The following PTPN4 variants were observed in gnomAD, a reference collection of about 807,000 sequenced individuals.
PTPN4 encodes the protein tyrosine-protein phosphatase non-receptor type 4.
In PTPN4, 49 loss-of-function variants were observed where a neutral mutation model predicts 135.5. The ratio of observed to expected loss-of-function variants is 0.36; its 90% CI spans 0.29 to 0.46. The LOEUF (loss-of-function observed/expected upper bound fraction) is 0.46, where lower values mean the gene tolerates loss of function less well. Among genes scored for constraint, PTPN4 ranks in the 20% least tolerant of loss-of-function variants. PTPN4 has a pLI of 1.00. For missense variants in PTPN4, 860 were observed against 1,101.0 expected (o/e 0.78, Z 3.10); for synonymous variants, 333 against 369.9 (o/e 0.90, Z 1.14).
chr2:119,769,908 T>A (rs755239375), intron 1 of PTPN4, among the ~76,000 whole-genome samples: 1 of 152,250 alleles, frequency 6.6e-6, no homozygotes, highest in Non-Finnish European at 1.5e-5. Context: ...GTTTATTTTG[T>A]TTTTAGTTAA....
At chr2:119,861,907 C>T (rs1677765170) in intron 2 of PTPN4, among the ~76,000 whole-genome samples, 1 of 152,084 alleles carries the variant, frequency 6.6e-6, no homozygotes, top group African/African-American at 2.4e-5. Flanking sequence ...TCTCTGAGTA[C>T]TTTGGCAATG....
At position 119,973,669 on chromosome 2, in the gene PTPN4, T is replaced by G. The variant is rs1039322180; in HGVS notation, c.2695-3315T>G. Among the ~76,000 whole-genome samples the G allele has an allele frequency of 8.3e-4, 116 of 139,062 alleles. 3 individuals are homozygous for G. The highest frequency in any genetic ancestry group is 2.4e-3 in the African/African-American group (85 of 35,592). The allele number at this position is 139,062 out of a possible 152,430, so 91.2% of individuals were successfully genotyped here. A position where few individuals can be genotyped will look rare whatever the true frequency, so the allele number is the denominator to read the frequency against. The stretch of plus-strand genomic sequence containing the variant: ...CTTCATTTCTTGTTTTTTTTTTTTT[T>G]TTTTTTTTTTTTTGGTAATTTACTT... On this transcript the variant is annotated intron_variant, in intron 26 of 26. Coordinates refer to ENST00000263708, the MANE Select transcript of PTPN4 (RefSeq NM_002830.4).
chr2:119,962,180 C>T (rs1679375398), intron 23 of PTPN4, among the ~76,000 whole-genome samples: 2 of 152,052 alleles, frequency 1.3e-5, no homozygotes, highest in Admixed American at 6.6e-5. Flanking sequence ...GTCGGCTGGG[C>T]GCAGTGGCTC....
chr2:119,760,733 CTTTTTTTTTTTTTT>C lies in PTPN4; in HGVS notation c.-18+358_-18+371del, dbSNP rs59953430. On this transcript the variant is annotated intron_variant, in intron 1 of 26. Coordinates refer to ENST00000263708, the MANE Select transcript of PTPN4 (RefSeq NM_002830.4). ...GAGTTTTCCATTGCTGGTAGAATTC[CTTTTTTTTTTTTTT>C]TTTTTTTTGGCTCATATGAGCGCTT... Among the ~76,000 whole-genome samples the C allele has an allele frequency of 5.0e-5, 4 of 79,908 alleles. No individual in the cohort carries two copies. In the Admixed American group the frequency reaches 6.7e-4, roughly 13 times the overall value. 52.4% of individuals were successfully genotyped at this position (79,908 alleles called of 152,430 possible). A position where few individuals can be genotyped will look rare whatever the true frequency, so the allele number is the denominator to read the frequency against.
chr2:119,865,096 A>G (rs1377105731), intron 3 of PTPN4, among the ~76,000 whole-genome samples: 3 of 152,118 alleles, frequency 2.0e-5, no homozygotes, highest in African/African-American at 7.2e-5. Flanking sequence ...CATTATTTAA[A>G]TATTTGGAAG....
chr2:119,844,015 C>G (rs866104693), intron 2 of PTPN4, among the ~76,000 whole-genome samples: 16 of 2,734 alleles, frequency 5.9e-3, no homozygotes, highest in Admixed American at 0.016. Context: ...GCGGCTGGCC[C>G]GGCAGAGGGG....
intron 3 of PTPN4, among the ~76,000 whole-genome samples, chr2:119,877,041 AT>A (rs1387808545): frequency 6.6e-6 from 1 of 152,122 alleles, no homozygotes; most frequent in Non-Finnish European, 1.5e-5. Flanking sequence ...TGCTGCAATT[AT>A]TAACTATCTT....
intron 2 of PTPN4, among the ~76,000 whole-genome samples, chr2:119,830,455 G>T (rs572254347): frequency 1.3e-5 from 2 of 152,082 alleles, no homozygotes; most frequent in South Asian, 4.2e-4. Flanking sequence ...ATGATACCTG[G>T]TGTAACACCT....
Position 119,804,814 on chromosome 2 carries a change from C to G in PTPN4, c.-17-5023C>G, listed in dbSNP as rs561613042. On this transcript the variant is annotated intron_variant, in intron 1 of 26. Coordinates refer to ENST00000263708, the MANE Select transcript of PTPN4 (RefSeq NM_002830.4). ...ATACCCAGTAATGGGATCTTTGGGTCAAATGGTATTTCTAGTTCTAGATCC... is the reference window on the plus strand; with the variant it reads ...ATACCCAGTAATGGGATCTTTGGGTGAAATGGTATTTCTAGTTCTAGATCC... Among the ~76,000 whole-genome samples, 11 of 152,308 alleles carry G rather than the reference C, an allele frequency of 7.2e-5. No homozygotes were observed. The East Asian group carries it at 1.5e-3, about 21-fold the overall frequency.
At chr2:119,829,740 T>C (rs1434651384) in intron 2 of PTPN4, among the ~76,000 whole-genome samples, 1 of 152,224 alleles carries the variant, frequency 6.6e-6, no homozygotes, top group Non-Finnish European at 1.5e-5. Context: ...ACTTGGGTTG[T>C]TTCTACCTTT....
At chr2:119,952,299 C>T (rs1249761486) in intron 19 of PTPN4, among the ~76,000 whole-genome samples, 170 bp downstream of exon 19, 2 of 152,242 alleles carry the variant, frequency 1.3e-5, no homozygotes, top group East Asian at 3.9e-4. Context: ...GCCCCCCCAC[C>T]CCTTGCTCCC....
At chr2:119,827,519 T>G (rs1284717595) in intron 2 of PTPN4, among the ~76,000 whole-genome samples, 1 of 152,194 alleles carries the variant, frequency 6.6e-6, no homozygotes, top group Non-Finnish European at 1.5e-5. Flanking sequence ...ATTTTGGCAG[T>G]GCAAGTGGGC....
Position 119,809,878 on chromosome 2 carries a change from G to C in PTPN4, c.25G>C (p.Ala9Pro). The C allele has an allele frequency of 6.2e-7, 1 of 1,610,888 alleles. No homozygotes were observed. Among genetic ancestry groups the C allele is most frequent in the Non-Finnish European group, 8.5e-7 (1 of 1,179,162 alleles). ...AATGACCTCACGTTTCCGATTGCCT[G>C]CTGGCAGAACCTACAATGTACGAGC... is the stretch of plus-strand genomic sequence containing the variant. MTSRFRLP[A>P]GRTYNVRASE... Residue 9 changes from alanine (A) to proline (P), a missense_variant, in exon 2 of 27, where the codon GCT (alanine) becomes CCT (proline). By Grantham distance (27) the Ala-to-Pro change is conservative. Around this residue, in one of 2 missense-constraint regions of PTPN4, gnomAD observed 684 missense variants for 807.0 expected, o/e 0.85. Coordinates refer to ENST00000263708, the MANE Select transcript of PTPN4 (RefSeq NM_002830.4).
rs577888348 is a variant in PTPN4, at chr2:119,905,420, G to A, written c.764+4614G>A. 6.6e-5 allele frequency among the ~76,000 whole-genome samples: 10 copies of A among 152,250 alleles called. No individual in the cohort carries two copies. In the South Asian group the frequency reaches 8.3e-4, roughly 13 times the overall value. On this transcript the variant is annotated intron_variant, in intron 10 of 26. Transcript: ENST00000263708. ...CAAATGATAAAGGGATCAATTCAGCGAAAGGATATAACAATTGTAAATATG... is the reference window on the plus strand; with the variant it reads ...CAAATGATAAAGGGATCAATTCAGCAAAAGGATATAACAATTGTAAATATG...
chr2:119,848,020 T>C (rs1442369583), intron 2 of PTPN4, among the ~76,000 whole-genome samples: 1 of 152,166 alleles, frequency 6.6e-6, no homozygotes, highest in Admixed American at 6.5e-5. Context: ...TCTTTGTTTT[T>C]TGGGGGCATT....
At chr2:119,973,144 C>A (rs1266600926) in intron 26 of PTPN4, among the ~76,000 whole-genome samples, 2 of 151,844 alleles carry the variant, frequency 1.3e-5, no homozygotes, top group African/African-American at 4.8e-5. Flanking sequence ...AACTCTATAT[C>A]CATTAAAAAA....
At position 119,780,464 on chromosome 2, in the gene PTPN4, C is replaced by T. The variant is rs183097649; in HGVS notation, c.-18+20080C>T. On this transcript the variant is annotated intron_variant, in intron 1 of 26. Transcript: ENST00000263708. The stretch of plus-strand genomic sequence containing the variant: ...AAATCCATGATTGGATCAAGAGCTA[C>T]ACATTGCAGTAGGTTGTTTTATCTT... Among the ~76,000 whole-genome samples, 6 of 152,344 alleles carry T rather than the reference C, an allele frequency of 3.9e-5. No individual in the cohort carries two copies. In the East Asian group the frequency reaches 1.2e-3, roughly 29 times the overall value.
At chr2:119,896,392 A>T (rs1357565278) in intron 9 of PTPN4, among the ~76,000 whole-genome samples, 5 of 152,184 alleles carry the variant, frequency 3.3e-5, no homozygotes. Context: ...TTTTACCTGT[A>T]GTTTCTTACA....
chr2:119,886,849 C>G (rs1439286310), intron 9 of PTPN4, among the ~76,000 whole-genome samples: 1 of 152,130 alleles, frequency 6.6e-6, no homozygotes, highest in East Asian at 1.9e-4. Context: ...AAGCTTATGT[C>G]AATCTTTCCT....
Sources: gnomAD v4.1 joint callset for allele counts (sites outside exome capture counted in the v4.1 genomes callset) on GRCh38, gnomAD v4.1.1 for gene constraint, gnomAD v4.1.1 regional missense constraint, MANE v1.5 for transcripts, NCBI Gene and HGNC (gene_info 2026-07-23, HGNC 2026-07-21) for gene names.